MSH4: variants seen among roughly 807,000 people sequenced by gnomAD.
MSH4 encodes the protein mutS protein homolog 4.
MSH4 carries 106 observed loss-of-function variants against 113.7 expected under a neutral mutation model. The ratio of observed to expected loss-of-function variants is 0.93; its 90% CI spans 0.80 to 1.10. The LOEUF (loss-of-function observed/expected upper bound fraction) is 1.10, where lower values mean the gene tolerates loss of function less well. MSH4 is among the 50% of genes least tolerant of loss of function. MSH4 has a pLI of 0.00. For missense variants in MSH4, 1,061 were observed against 1,093.7 expected (o/e 0.97, Z 0.42); for synonymous variants, 368 against 380.2 (o/e 0.97, Z 0.37).
intron 6 of MSH4, among the ~76,000 whole-genome samples, chr1:75,821,137 T>C (rs1346446681): frequency 2.7e-5 from 4 of 149,420 alleles, no homozygotes; most frequent in East Asian, 2.0e-4. Context: ...TATTCCAAAA[T>C]TGACCACATA....
intron 4 of MSH4, among the ~76,000 whole-genome samples, chr1:75,813,484 A>C (rs1476743434): frequency 1.3e-5 from 2 of 152,088 alleles, no homozygotes; most frequent in Non-Finnish European, 2.9e-5. Context: ...TTGGAGCTTC[A>C]GTTTTTTTCA....
intron 9 of MSH4, among the ~76,000 whole-genome samples, chr1:75,876,463 T>G (rs1338067282): frequency 2.6e-5 from 4 of 152,240 alleles, no homozygotes; most frequent in African/African-American, 9.6e-5. Flanking sequence ...TTCTGTTTAT[T>G]TAGTTAGTGA....
chr1:75,843,617 G>A (rs901869801), intron 7 of MSH4, among the ~76,000 whole-genome samples: 2 of 152,070 alleles, frequency 1.3e-5, no homozygotes, highest in Non-Finnish European at 2.9e-5. Flanking sequence ...TAACTCCCTA[G>A]ACCCCTTAGG....
At chr1:75,885,051 G>GTATATATATA (rs1217705221) in intron 15 of MSH4, among the ~76,000 whole-genome samples, 9 of 113,346 alleles carry the variant, frequency 7.9e-5, no homozygotes, top group African/African-American at 2.5e-4. Context: ...GTGTGTGTGT[G>GTATATATATA]TGTGTGTGTA....
intron 8 of MSH4, among the ~76,000 whole-genome samples, chr1:75,865,807 A>G (rs1365251322): frequency 2.0e-5 from 3 of 152,166 alleles, no homozygotes; most frequent in African/African-American, 7.2e-5. Context: ...TTAATTCCAG[A>G]TATTTTATTG....
In MSH4 at chr1:75,796,898, C is replaced by T. The variant is rs541357543; in HGVS notation, c.-88C>T. On this transcript the variant is annotated 5_prime_UTR_variant, in exon 1 of 20. Transcript: ENST00000263187. ...TGCGTCGGCGCGCAGTTCTCCCGCCCGTTTCAGCGGCGCAGCTTCTGTAGT... is the reference window on the plus strand; with the variant it reads ...TGCGTCGGCGCGCAGTTCTCCCGCCTGTTTCAGCGGCGCAGCTTCTGTAGT... 15 of 1,571,186 alleles carry T rather than the reference C, an allele frequency of 9.5e-6. No homozygotes were observed. The highest frequency in any genetic ancestry group is 1.8e-5 in the Admixed American group (1 of 56,768).
intron 6 of MSH4, among the ~76,000 whole-genome samples, chr1:75,821,550 A>G (rs1650410482): frequency 6.6e-6 from 1 of 152,224 alleles, no homozygotes; most frequent in South Asian, 2.1e-4. Context: ...AAAAATAACT[A>G]AGATCAGAGC....
At chr1:75,818,467 G>A (rs1175773289) in intron 6 of MSH4, among the ~76,000 whole-genome samples, 1 of 152,148 alleles carries the variant, frequency 6.6e-6, no homozygotes, top group Non-Finnish European at 1.5e-5. Context: ...TACTTCTGTT[G>A]TAAAATGATG....
chr1:75,880,286 T>C (rs1304412028), intron 13 of MSH4, 133 bp downstream of exon 13: 10 of 567,708 alleles, frequency 1.8e-5, no homozygotes, highest in African/African-American at 3.9e-5. Flanking sequence ...AGGAAGTCTG[T>C]CTTTGTGATT....
intron 8 of MSH4, among the ~76,000 whole-genome samples, chr1:75,852,882 T>C (rs1469912236): frequency 1.3e-5 from 2 of 152,160 alleles, no homozygotes; most frequent in Non-Finnish European, 2.9e-5. Context: ...CTTAACTCTC[T>C]TTTCTTCCTT....
intron 19 of MSH4, 45 bp from the exon 20 acceptor site, chr1:75,912,651 G>C (rs5745548): frequency 0.017 from 19,513 of 1,165,674 alleles, 250 homozygotes; most frequent in Non-Finnish European, 0.019. Flanking sequence ...TAAAAATTAT[G>C]GTATTTGTGT....
intron 8 of MSH4, among the ~76,000 whole-genome samples, chr1:75,859,714 G>A (rs1038197340): frequency 4.6e-5 from 7 of 152,216 alleles, no homozygotes; most frequent in African/African-American, 1.4e-4. Flanking sequence ...GTGTGATATG[G>A]TGCTGAGAAG....
chr1:75,868,544 C>G (rs1027146006), intron 9 of MSH4, among the ~76,000 whole-genome samples: 21 of 152,274 alleles, frequency 1.4e-4, no homozygotes, highest in Admixed American at 5.2e-4. Flanking sequence ...TATGGAATAA[C>G]TTTGTTATAG....
chr1:75,805,398 TG>T (rs1200951254), intron 2 of MSH4, among the ~76,000 whole-genome samples: 5 of 91,664 alleles, frequency 5.5e-5, no homozygotes, highest in Admixed American at 1.1e-4. Context: ...TTTTTTTTTT[TG>T]GTTTTTGAGA....
At chr1:75,814,841 A>G (rs984730275) in intron 4 of MSH4, among the ~76,000 whole-genome samples, 180 bp from the exon 5 acceptor site, 2 of 152,202 alleles carry the variant, frequency 1.3e-5, no homozygotes, top group Admixed American at 1.3e-4. Context: ...ACAAACTACT[A>G]TAATTCACTT....
chr1:75,861,493 T>C (rs915313677), intron 8 of MSH4, among the ~76,000 whole-genome samples: 1 of 152,206 alleles, frequency 6.6e-6, no homozygotes, highest in Non-Finnish European at 1.5e-5. Context: ...CCTTTCTGTT[T>C]GTTAGTTTTC....
chr1:75,885,045 G>GTATATA (rs1286506735), intron 15 of MSH4, among the ~76,000 whole-genome samples: 221 of 107,716 alleles, frequency 2.1e-3, no homozygotes, highest in Middle Eastern at 9.8e-3. Context: ...GTGTGTGTGT[G>GTATATA]TGTGTGTGTG....
chr1:75,869,975 C>T (rs1487245721), intron 9 of MSH4, among the ~76,000 whole-genome samples: 2 of 152,206 alleles, frequency 1.3e-5, no homozygotes, highest in Admixed American at 6.5e-5. Flanking sequence ...GCCACAGACA[C>T]TCAACACCAG....
intron 8 of MSH4, among the ~76,000 whole-genome samples, chr1:75,862,850 C>A (rs1651488011): frequency 6.6e-6 from 1 of 152,008 alleles, no homozygotes; most frequent in Non-Finnish European, 1.5e-5. Context: ...CTTATTCTTT[C>A]TTTTTAAGAA....
Sources: gnomAD v4.1 joint callset for allele counts (sites outside exome capture counted in the v4.1 genomes callset) on GRCh38, gnomAD v4.1.1 for gene constraint, MANE v1.5 for transcripts, NCBI Gene and HGNC (gene_info 2026-07-23, HGNC 2026-07-21) for gene names.